The following SCRG1 variants were observed in gnomAD, a reference collection of about 807,000 sequenced individuals.
SCRG1 encodes stimulator of chondrogenesis 1.
In SCRG1, 3 loss-of-function variants were observed where a neutral mutation model predicts 7.7. The observed-to-expected ratio is 0.39, with a 90% CI of 0.18 to 1.01. The LOEUF (loss-of-function observed/expected upper bound fraction) is 1.01. SCRG1 is among the 50% of genes least tolerant of loss of function. The pLI is 0.36. For missense variants in SCRG1, 110 were observed against 117.2 expected (o/e 0.94, Z 0.28); for synonymous variants, 46 against 41.2 (o/e 1.12, Z -0.44).
the SCRG1 span, among the ~76,000 whole-genome samples, chr4:173,476,363 A>AAAAAAAATATATATAT: frequency 5.1e-5 from 5 of 98,492 alleles, no homozygotes; most frequent in Non-Finnish European, 6.9e-5. Context: ...GGAAAAAAAA[A>AAAAAAAATATATATAT]ATATATATAT....
At chr4:173,485,122 A>T in the SCRG1 span, among the ~76,000 whole-genome samples, 25 of 14,110 alleles carry the variant, frequency 1.8e-3, no homozygotes, top group South Asian at 2.5e-3. Flanking sequence ...TATAATATAT[A>T]ATATATCATA....
the SCRG1 span, among the ~76,000 whole-genome samples, chr4:173,480,985 T>C: frequency 6.6e-6 from 1 of 152,284 alleles, no homozygotes; most frequent in African/African-American, 2.4e-5. Flanking sequence ...TTTTATTAGT[T>C]GCTAATGAAA....
chr4:173,490,298 G>C, the SCRG1 span, among the ~76,000 whole-genome samples: 9 of 152,276 alleles, frequency 5.9e-5, no homozygotes, highest in East Asian at 1.7e-3. Context: ...TCTTTTAAAA[G>C]CAACCCTGGA....
the SCRG1 span, among the ~76,000 whole-genome samples, chr4:173,477,725 TCC>T: frequency 5.3e-4 from 29 of 54,458 alleles, no homozygotes; most frequent in Middle Eastern, 0.013. Context: ...CTTCCTTCCT[TCC>T]TTCCTTCCTT....
the SCRG1 span, among the ~76,000 whole-genome samples, chr4:173,490,330 G>A: frequency 2.0e-5 from 3 of 152,140 alleles, no homozygotes; most frequent in Non-Finnish European, 4.4e-5. Flanking sequence ...CTTTTCAATA[G>A]ACCAGTTTCT....
the SCRG1 span, among the ~76,000 whole-genome samples, chr4:173,442,935 A>G: frequency 1.7e-4 from 26 of 152,212 alleles, no homozygotes; most frequent in African/African-American, 6.0e-4. Flanking sequence ...TTTCAACATG[A>G]GTTTTAGAGG....
chr4:173,484,605 GTATATATTATATGCATGTAA>G, the SCRG1 span, among the ~76,000 whole-genome samples: 1 of 79,484 alleles, frequency 1.3e-5, no homozygotes, highest in South Asian at 3.9e-4. Context: ...ATTTTATGTA[GTATATATTATATGCATGTAA>G]TATATATTAT....
the SCRG1 span, among the ~76,000 whole-genome samples, chr4:173,466,670 G>C: frequency 6.6e-6 from 1 of 152,080 alleles, no homozygotes; most frequent in Non-Finnish European, 1.5e-5. Context: ...TCTTTTTTCT[G>C]ATACTGCATC....
the SCRG1 span, among the ~76,000 whole-genome samples, chr4:173,417,281 C>T: frequency 6.6e-6 from 1 of 152,174 alleles, no homozygotes; most frequent in African/African-American, 2.4e-5. Context: ...AATTGAGGAT[C>T]TTTAGCACTG....
chr4:173,484,449 A>ATATATTATATACATATAATATATAT, the SCRG1 span, among the ~76,000 whole-genome samples: 9 of 12,116 alleles, frequency 7.4e-4, no homozygotes, highest in African/African-American at 2.0e-3. Context: ...ATGATATATA[A>ATATATTATATACATATAATATATAT]TATATATTAT....
the SCRG1 span, among the ~76,000 whole-genome samples, chr4:173,421,366 A>T: frequency 3.0e-4 from 45 of 152,016 alleles, no homozygotes; most frequent in Non-Finnish European, 2.9e-4. Flanking sequence ...AGTGAACAGT[A>T]AATGACTCTT....
At chr4:173,497,169 A>G in the SCRG1 span, among the ~76,000 whole-genome samples, 2 of 152,170 alleles carry the variant, frequency 1.3e-5, no homozygotes, top group South Asian at 2.1e-4. Context: ...ACTATATTGC[A>G]AAGCTATAGC....
the SCRG1 span, chr4:173,420,161 C>T: frequency 3.7e-5 from 18 of 491,136 alleles, no homozygotes; most frequent in African/African-American, 2.0e-4. Context: ...GACCCACATC[C>T]GTGGCTCAAC....
At position 173,390,247 on chromosome 4, in the gene SCRG1, C is replaced by T. The variant is rs572331677; in HGVS notation, c.242+926G>A. On this transcript the variant is annotated intron_variant, in intron 2 of 2. Coordinates refer to ENST00000296506, the MANE Select transcript of SCRG1 (RefSeq NM_007281.4). Reference sequence around the variant, plus strand: ...TTTTTGTAGAGACAGAGTTTCACCACGTATACTTGTATTTTAAGTACAAAA... The same window carrying T: ...TTTTTGTAGAGACAGAGTTTCACCATGTATACTTGTATTTTAAGTACAAAA... Among the ~76,000 whole-genome samples the T allele has an allele frequency of 7.9e-5, 12 of 151,554 alleles. No homozygotes were observed. The East Asian group carries it at 1.8e-3, about 22-fold the overall frequency.
chr4:173,516,144 C>G, the SCRG1 span, among the ~76,000 whole-genome samples: 1 of 152,166 alleles, frequency 6.6e-6, no homozygotes, highest in Non-Finnish European at 1.5e-5. Flanking sequence ...GAGCACTTCT[C>G]AAAGTGAGTC....
chr4:173,485,082 A>T, the SCRG1 span, among the ~76,000 whole-genome samples: 566 of 8,798 alleles, frequency 0.064, 107 homozygotes, highest in Non-Finnish European at 0.12. Flanking sequence ...TATATTATAT[A>T]ATATATTATA....
the SCRG1 span, among the ~76,000 whole-genome samples, chr4:173,460,546 G>A: frequency 3.1e-3 from 466 of 152,304 alleles, 3 homozygotes; most frequent in Non-Finnish European, 3.3e-3. Context: ...CCAAGACAGT[G>A]TTTCTAGACA....
chr4:173,452,034 A>G, the SCRG1 span, among the ~76,000 whole-genome samples: 1 of 152,124 alleles, frequency 6.6e-6, no homozygotes, highest in African/African-American at 2.4e-5. Flanking sequence ...AGGTTATCCC[A>G]TGTAGTTTCC....
chr4:173,395,158 G>A (rs143297895), intron 1 of SCRG1, among the ~76,000 whole-genome samples: 22 of 152,024 alleles, frequency 1.4e-4, no homozygotes, highest in Middle Eastern at 6.8e-3. Context: ...CTTTCATAGC[G>A]CCCTTTCTTT....
Sources: gnomAD v4.1 joint callset for allele counts (sites outside exome capture counted in the v4.1 genomes callset) on GRCh38, gnomAD v4.1.1 for gene constraint, MANE v1.5 for transcripts, NCBI Gene and HGNC (gene_info 2026-07-23, HGNC 2026-07-21) for gene names.